The following PPFIA2 variants were observed in gnomAD, a reference collection of about 807,000 sequenced individuals.
PPFIA2 encodes the protein PPFI scaffold protein A2.
A neutral mutation model predicts 175.5 loss-of-function variants in PPFIA2; 46 were observed. That is an observed-to-expected ratio of 0.26 (90% CI 0.21 to 0.34). The LOEUF is 0.34. Among genes scored for constraint, PPFIA2 ranks in the 10% least tolerant of loss-of-function variants. PPFIA2 has a pLI of 1.00. For missense variants in PPFIA2, 1,179 were observed against 1,506.1 expected, an observed-to-expected ratio of 0.78 and a Z score of 3.60; for synonymous variants, 568 against 511.4, an observed-to-expected ratio of 1.11 and a Z score of -1.49.
chr12:81,460,959 T>G (rs1363078465), intron 4 of PPFIA2, among the ~76,000 whole-genome samples: 1 of 152,074 alleles, frequency 6.6e-6, no homozygotes, highest in Non-Finnish European at 1.5e-5. Context: ...GATAAGTTGT[T>G]TGTTTCCCCT....
At chr12:81,286,775 C>T (rs1376775082) in intron 24 of PPFIA2, among the ~76,000 whole-genome samples, 1 of 151,932 alleles carries the variant, frequency 6.6e-6, no homozygotes, top group African/African-American at 2.4e-5. Context: ...ACAGGCTAGA[C>T]ATCAAATATA....
chr12:81,431,882 G>A (rs937415422), intron 7 of PPFIA2, among the ~76,000 whole-genome samples: 1 of 152,016 alleles, frequency 6.6e-6, no homozygotes, highest in East Asian at 1.9e-4. Flanking sequence ...GCCTCTCTCT[G>A]TCACCTCCTC....
At chr12:81,677,966 C>G (rs1038619814) in intron 3 of PPFIA2, among the ~76,000 whole-genome samples, 6 of 151,774 alleles carry the variant, frequency 4.0e-5, no homozygotes, top group African/African-American at 1.5e-4. Context: ...TAAAATCACC[C>G]AGGTTTTTAG....
Position 81,344,653 on chromosome 12 carries a change from A to G in PPFIA2, c.2262+11T>C. The G allele has an allele frequency of 6.5e-7, 1 of 1,545,218 alleles. No homozygotes were observed. Among genetic ancestry groups the G allele is most frequent in the Non-Finnish European group, 8.8e-7 (1 of 1,137,288 alleles). On this transcript the variant is annotated intron_variant, in intron 19 of 32. Transcript: ENST00000549396. ...TTCAATTCGTAATGATGTAAAAGTT[A>G]TTTACTGTACCTTTCTCCGATGTTT... is the stretch of plus-strand genomic sequence containing the variant.
At chr12:81,506,942 A>G (rs2061238004) in intron 4 of PPFIA2, among the ~76,000 whole-genome samples, 1 of 152,230 alleles carries the variant, frequency 6.6e-6, no homozygotes. Context: ...CACTTCTTAA[A>G]CATGGTTACA....
chr12:81,463,381 G>T (rs1390609020), intron 4 of PPFIA2, among the ~76,000 whole-genome samples: 1 of 152,098 alleles, frequency 6.6e-6, no homozygotes, highest in Non-Finnish European at 1.5e-5. Context: ...TGAGATAAGA[G>T]AATTAGGTCA....
chr12:81,304,448 C>T (rs950988991), intron 22 of PPFIA2, among the ~76,000 whole-genome samples: 1 of 152,056 alleles, frequency 6.6e-6, no homozygotes, highest in Non-Finnish European at 1.5e-5. Context: ...CATACATAAA[C>T]AAAATAAGTT....
intron 4 of PPFIA2, among the ~76,000 whole-genome samples, chr12:81,520,368 CTT>C (rs964876021): frequency 1.3e-5 from 2 of 152,130 alleles, no homozygotes; most frequent in African/African-American, 4.8e-5. Context: ...CAACTTAAAA[CTT>C]ATAAACTGTT....
chr12:81,745,964 A>G (rs1453332676), intron 3 of PPFIA2, among the ~76,000 whole-genome samples: 1 of 146,306 alleles, frequency 6.8e-6, no homozygotes, highest in Non-Finnish European at 1.5e-5. Flanking sequence ...CCAAAACAAA[A>G]GTATTTCTCT....
intron 22 of PPFIA2, among the ~76,000 whole-genome samples, chr12:81,310,983 C>G (rs533501074): frequency 2.0e-5 from 3 of 152,222 alleles, no homozygotes; most frequent in African/African-American, 7.2e-5. Flanking sequence ...ATAATTGTAT[C>G]TCATTGCAGT....
intron 4 of PPFIA2, among the ~76,000 whole-genome samples, chr12:81,547,076 T>C (rs1314731598): frequency 1.3e-5 from 2 of 152,124 alleles, no homozygotes; most frequent in Non-Finnish European, 2.9e-5. Flanking sequence ...TGCCTAGATT[T>C]TGGTGTTGGC....
At chr12:81,684,965 G>T (rs1447594643) in intron 3 of PPFIA2, among the ~76,000 whole-genome samples, 8 of 151,954 alleles carry the variant, frequency 5.3e-5, no homozygotes. Flanking sequence ...TTAAAGGTCT[G>T]ACACCTTAAT....
chr12:81,439,850 C>A, intron 7 of PPFIA2, 122 bp downstream of exon 7: 1 of 848,922 alleles, frequency 1.2e-6, no homozygotes, highest in Non-Finnish European at 1.8e-6. Flanking sequence ...AAGCCTTGTT[C>A]AATGGCATAG....
intron 21 of PPFIA2, among the ~76,000 whole-genome samples, chr12:81,327,225 C>A (rs2054981596): frequency 6.6e-6 from 1 of 151,914 alleles, no homozygotes; most frequent in Non-Finnish European, 1.5e-5. Context: ...CTGTATAGAT[C>A]TAATTCAGAG....
intron 4 of PPFIA2, among the ~76,000 whole-genome samples, chr12:81,560,857 GAAAT>G (rs1244258824): frequency 6.6e-6 from 1 of 152,132 alleles, no homozygotes; most frequent in Non-Finnish European, 1.5e-5. Context: ...AAAATTTAGA[GAAAT>G]AAATCTATCT....
chr12:81,716,551 AACAC>A (rs35938564), intron 3 of PPFIA2, among the ~76,000 whole-genome samples: 25 of 147,888 alleles, frequency 1.7e-4, no homozygotes, highest in Admixed American at 7.5e-4. Flanking sequence ...GGAAAGTACC[AACAC>A]ACACACACAC....
At chr12:81,405,734 AATGATATAAGAAGTAAACATTTCC>A in intron 8 of PPFIA2, 29 bp downstream of exon 8, 1 of 1,022,318 alleles carries the variant, frequency 9.8e-7, no homozygotes, top group Non-Finnish European at 1.4e-6. Flanking sequence ...TTTCCTGTCA[AATGATATAAGAAGTAAACATTTCC>A]ATGTAAGAGC....
At chr12:81,611,443 C>T (rs999049530) in intron 4 of PPFIA2, among the ~76,000 whole-genome samples, 8 of 152,080 alleles carry the variant, frequency 5.3e-5, no homozygotes, top group Non-Finnish European at 1.2e-4. Flanking sequence ...CCAGGACATC[C>T]GTGGTTCATG....
In PPFIA2 at chr12:81,499,295, G is replaced by A. The variant is rs1011932037; in HGVS notation, c.304-41429C>T. Among the ~76,000 whole-genome samples, 11 of 152,138 alleles carry A rather than the reference G, an allele frequency of 7.2e-5. No individual in the cohort carries two copies. The South Asian group carries it at 1.0e-3, about 14-fold the overall frequency. On this transcript the variant is annotated intron_variant, in intron 4 of 32. Coordinates refer to ENST00000549396, the MANE Select transcript of PPFIA2 (RefSeq NM_003625.5). ...AATCCCCAACTGTTTGTTTTCTTTC[G>A]TTCCAGTTAAGAAAATTGATGATAA...
Sources: allele counts gnomAD v4.1 joint callset (sites outside exome capture counted in the v4.1 genomes callset), GRCh38; gene constraint gnomAD v4.1.1; transcripts MANE v1.5; gene names NCBI Gene and HGNC (gene_info 2026-07-23, HGNC 2026-07-21).